ATP6V1E1: variants seen among roughly 807,000 people sequenced by gnomAD.
ATP6V1E1 encodes V-type proton ATPase subunit E 1.
ATP6V1E1 carries 21 observed loss-of-function variants against 35.2 expected under a neutral mutation model. The ratio of observed to expected loss-of-function variants is 0.60; its 90% confidence interval spans 0.42 to 0.86. The LOEUF (loss-of-function observed/expected upper bound fraction) is 0.86, where lower values mean the gene tolerates loss of function less well. Ranked by LOEUF, ATP6V1E1 falls within the 40% of genes least tolerant of loss-of-function variation. ATP6V1E1 has a pLI of 0.00. For synonymous variants in ATP6V1E1, 83 were observed against 87.8 expected (o/e 0.95, Z 0.30); for missense variants, 183 against 272.6 (o/e 0.67, Z 2.32).
At chr22:17,597,546 C>T (rs1294171610) in intron 7 of ATP6V1E1, among the ~76,000 whole-genome samples, 1 of 152,076 alleles carries the variant, frequency 6.6e-6, no homozygotes, top group Non-Finnish European at 1.5e-5. Context: ...GGAGTATCTA[C>T]CTCAGCATCC....
At position 17,601,030 on chromosome 22, in the gene ATP6V1E1, T is replaced by G. The variant is rs143624896; in HGVS notation, c.366+62A>C. On this transcript the variant is annotated intron_variant, in intron 5 of 8. Transcript: ENST00000253413. ...AGGAAAAAATAGAGCTGGTCTCTAATAGGCATTCTAAATTTTCTCAGAACT... is the reference window on the plus strand; with the variant it reads ...AGGAAAAAATAGAGCTGGTCTCTAAGAGGCATTCTAAATTTTCTCAGAACT... The G allele has an allele frequency of 1.5e-4, 210 of 1,375,500 alleles. 1 individual carries two copies. The East Asian group carries it at 3.5e-3, about 23-fold the overall frequency. The allele number at this position is 1,375,500 out of a possible 1,614,324, so 85.2% of individuals were successfully genotyped here.
chr22:17,628,467 G>C (rs2057936743), intron 1 of ATP6V1E1, 136 bp downstream of exon 1: 1 of 1,241,808 alleles, frequency 8.1e-7, no homozygotes, highest in Non-Finnish European at 1.2e-6. Flanking sequence ...CCGACCTCTT[G>C]GATCTGGTGA....
At chr22:17,597,186 G>C (rs1246056904) in intron 7 of ATP6V1E1, among the ~76,000 whole-genome samples, 1 of 151,414 alleles carries the variant, frequency 6.6e-6, no homozygotes, top group Non-Finnish European at 1.5e-5. Context: ...AGGTTGCAGT[G>C]AGCCAAGATC....
At chr22:17,598,623 G>T (rs1367283046) in intron 6 of ATP6V1E1, among the ~76,000 whole-genome samples, 1 of 152,160 alleles carries the variant, frequency 6.6e-6, no homozygotes, top group Non-Finnish European at 1.5e-5. Flanking sequence ...GGTAGGTAAG[G>T]AGAGAAGGGA....
chr22:17,621,435 A>G (rs967827389), intron 1 of ATP6V1E1, among the ~76,000 whole-genome samples: 2 of 152,108 alleles, frequency 1.3e-5, no homozygotes, highest in Non-Finnish European at 2.9e-5. Flanking sequence ...AGCTGGGACC[A>G]TAGGTGCGTG....
intron 6 of ATP6V1E1, among the ~76,000 whole-genome samples, chr22:17,598,715 G>A (rs1286565025): frequency 6.6e-6 from 1 of 152,192 alleles, no homozygotes; most frequent in East Asian, 1.9e-4. Context: ...AGAAACAGCA[G>A]TGCCATGCCA....
chr22:17,628,292 G>T (rs1318321013), intron 1 of ATP6V1E1, among the ~76,000 whole-genome samples: 1 of 152,220 alleles, frequency 6.6e-6, no homozygotes, highest in East Asian at 1.9e-4. Context: ...TCCTTGCACA[G>T]ATCTCTGTCC....
chr22:17,614,273 C>A (rs1359131161), intron 2 of ATP6V1E1, among the ~76,000 whole-genome samples: 1 of 151,834 alleles, frequency 6.6e-6, no homozygotes. Flanking sequence ...TCGCTTGAAC[C>A]TGGGAGGCGG....
chr22:17,597,453 C>G (rs929722753), intron 7 of ATP6V1E1, among the ~76,000 whole-genome samples: 4 of 151,958 alleles, frequency 2.6e-5, no homozygotes, highest in African/African-American at 9.7e-5. Flanking sequence ...AAAAATACCA[C>G]TCATACTTGC....
chr22:17,627,365 G>A (rs1296078636), intron 1 of ATP6V1E1, among the ~76,000 whole-genome samples: 1 of 151,296 alleles, frequency 6.6e-6, no homozygotes, highest in African/African-American at 2.4e-5. Flanking sequence ...CTGACCTCAG[G>A]TGATCCGCCC....
chr22:17,621,397 C>G (rs1187128428), intron 1 of ATP6V1E1, among the ~76,000 whole-genome samples: 1 of 152,162 alleles, frequency 6.6e-6, no homozygotes, highest in Non-Finnish European at 1.5e-5. Context: ...TTGACCTCCG[C>G]CTTCTACAGC....
At chr22:17,596,638 T>C (rs994102318) in intron 7 of ATP6V1E1, among the ~76,000 whole-genome samples, 2 of 152,146 alleles carry the variant, frequency 1.3e-5, no homozygotes, top group African/African-American at 2.4e-5. Context: ...CAACACTAAA[T>C]GGACGACACC....
intron 1 of ATP6V1E1, among the ~76,000 whole-genome samples, chr22:17,628,218 G>A (rs560626991): frequency 2.6e-5 from 4 of 152,040 alleles, no homozygotes. Flanking sequence ...CGGCCGCCTC[G>A]GCCTCCCAAA....
Position 17,627,995 on chromosome 22 carries a change from TC to T in ATP6V1E1, c.33+607del, listed in dbSNP as rs1265629143. On this transcript the variant is annotated intron_variant, in intron 1 of 8. Coordinates refer to ENST00000253413, the MANE Select transcript of ATP6V1E1 (RefSeq NM_001696.4). Reference sequence around the variant, plus strand: ...ACAAGGCTGGTTTGTTTTTTTTTTTTCTTTTTCCAGAGGGAGTCTCGCCCTG... The same window carrying T: ...ACAAGGCTGGTTTGTTTTTTTTTTTTTTTTTCCAGAGGGAGTCTCGCCCTG... Among the ~76,000 whole-genome samples the T allele has an allele frequency of 8.3e-4, 95 of 114,814 alleles. 1 individual carries two copies. Among genetic ancestry groups the T allele is most frequent in the Non-Finnish European group, 1.3e-3 (65 of 48,898 alleles). 75.3% of individuals were successfully genotyped at this position (114,814 alleles called of 152,430 possible). A position where few individuals can be genotyped will look rare whatever the true frequency, so the allele number is the denominator to read the frequency against.
At chr22:17,600,959 AG>A (rs1184370940) in intron 5 of ATP6V1E1, 132 bp downstream of exon 5, 2 of 714,058 alleles carry the variant, frequency 2.8e-6, no homozygotes, top group Non-Finnish European at 4.6e-6. Flanking sequence ...AAAAGCTAAA[AG>A]AAAAAAAAAG....
chr22:17,623,209 C>T (rs113413556), intron 1 of ATP6V1E1, among the ~76,000 whole-genome samples: 1,863 of 152,220 alleles, frequency 0.012, 11 homozygotes, highest in Middle Eastern at 0.017. Flanking sequence ...ATGGTACTTA[C>T]AATATCTTGA....
chr22:17,607,133 ATT>A (rs1256520436), intron 4 of ATP6V1E1, among the ~76,000 whole-genome samples: 1 of 151,272 alleles, frequency 6.6e-6, no homozygotes, highest in African/African-American at 2.4e-5. Context: ...TTTTTTCACC[ATT>A]CTTTACCTGT....
intron 2 of ATP6V1E1, among the ~76,000 whole-genome samples, chr22:17,616,768 G>GGAAAATAGT (rs2057847715): frequency 4.7e-4 from 37 of 78,304 alleles, no homozygotes; most frequent in Admixed American, 6.8e-4. Context: ...CATACAAGAG[G>GGAAAATAGT]CCAGGCGCGG....
chr22:17,594,022 G>A (rs949557167), intron 8 of ATP6V1E1, among the ~76,000 whole-genome samples: 4 of 152,190 alleles, frequency 2.6e-5, no homozygotes, highest in Non-Finnish European at 5.9e-5. Context: ...GGCCAACATG[G>A]TGAAACCCCG....
Sources: gnomAD v4.1 joint callset for allele counts (sites outside exome capture counted in the v4.1 genomes callset) on GRCh38, gnomAD v4.1.1 for gene constraint, MANE v1.5 for transcripts, NCBI Gene and HGNC (gene_info 2026-07-23, HGNC 2026-07-21) for gene names.